SMAD6: variants seen among roughly 807,000 people sequenced by gnomAD.
SMAD6 encodes MAD homolog 6.
SMAD6 carries 103 observed loss-of-function variants against 39.4 expected under a neutral mutation model. The ratio of observed to expected loss-of-function variants is 2.62; its 90% CI spans 2.23 to 3.08. The LOEUF (loss-of-function observed/expected upper bound fraction) is 3.08, where lower values mean the gene tolerates loss of function less well. Among genes scored for constraint, SMAD6 ranks in the 30% most tolerant of loss-of-function variants. SMAD6 has a pLI of 0.00. For missense variants in SMAD6, 1,104 were observed against 742.9 expected, an observed-to-expected ratio of 1.49 and a Z score of -5.65; for synonymous variants, 445 against 353.3, an observed-to-expected ratio of 1.26 and a Z score of -2.91.
chr15:66,735,777 A>G (rs1489935536), intron 3 of SMAD6, among the ~76,000 whole-genome samples: 1 of 152,168 alleles, frequency 6.6e-6, no homozygotes, highest in Non-Finnish European at 1.5e-5. Flanking sequence ...CTGTAGGCAG[A>G]CAAGCAGGCA....
chr15:66,761,382 C>T lies in SMAD6; in HGVS notation c.953-19615C>T, dbSNP rs568216991. ...AATAGGAAACTTTGCCCCATTTTTG[C>T]AACGCACATCCTTTGCCTGAGAGTT... is the stretch of plus-strand genomic sequence containing the variant. On this transcript the variant is annotated intron_variant, in intron 3 of 3. Transcript: ENST00000288840. 3.3e-5 allele frequency among the ~76,000 whole-genome samples: 5 copies of T among 152,310 alleles called. No individual in the cohort carries two copies. In the South Asian group the frequency reaches 1.0e-3, roughly 32 times the overall value.
intron 2 of SMAD6, among the ~76,000 whole-genome samples, chr15:66,712,385 A>C (rs555490703): frequency 5.3e-5 from 8 of 152,314 alleles, no homozygotes; most frequent in Admixed American, 1.3e-4. Flanking sequence ...GGTAGATGTA[A>C]GTGGTTTCAA....
chr15:66,753,145 C>T (rs2140649921), intron 3 of SMAD6, among the ~76,000 whole-genome samples: 1 of 152,318 alleles, frequency 6.6e-6, no homozygotes, highest in South Asian at 2.1e-4. Flanking sequence ...TTTAAAGTCC[C>T]TTGTCTTCCT....
intron 3 of SMAD6, among the ~76,000 whole-genome samples, chr15:66,767,359 G>A (rs1039916773): frequency 6.6e-6 from 1 of 152,086 alleles, no homozygotes; most frequent in Non-Finnish European, 1.5e-5. Context: ...TTGGACTTGG[G>A]ATAGAGGTGT....
At chr15:66,775,966 T>C (rs1312050190) in intron 3 of SMAD6, among the ~76,000 whole-genome samples, 1 of 152,024 alleles carries the variant, frequency 6.6e-6, no homozygotes, top group Non-Finnish European at 1.5e-5. Flanking sequence ...GGTTAGGGGG[T>C]GCCCACCTTC....
At position 66,703,459 on chromosome 15, in the gene SMAD6, G is replaced by A. The variant is rs2140580891; in HGVS notation, c.201G>A (p.Arg67=). Residue 67 remains arginine (R), a synonymous_variant, in exon 1 of 4, where the codon CGG becomes CGA. Coordinates refer to ENST00000288840, the MANE Select transcript of SMAD6 (RefSeq NM_005585.5). ...RSEVRPVAPR[R]PRDAVGQRGA... is the part of the protein sequence containing the mutation. ...AAGTCCGCCCGGTAGCCCCGCGGCG[G>A]CCCCGGGACGCAGTGGGACAGCGAG... 22 of 1,266,992 alleles carry A rather than the reference G, an allele frequency of 1.7e-5. No individual in the cohort carries two copies. Among genetic ancestry groups the A allele is most frequent in the Non-Finnish European group, 2.1e-5 (21 of 1,002,992 alleles). 78.5% of individuals were successfully genotyped at this position (1,266,992 alleles called of 1,614,324 possible).
intron 3 of SMAD6, among the ~76,000 whole-genome samples, chr15:66,718,454 T>C (rs1194887159): frequency 6.6e-6 from 1 of 152,206 alleles, no homozygotes; most frequent in Non-Finnish European, 1.5e-5. Context: ...AAAAGGACTG[T>C]GTTGGAAAAT....
intron 3 of SMAD6, among the ~76,000 whole-genome samples, chr15:66,763,859 G>T (rs550094220): frequency 6.6e-5 from 10 of 152,372 alleles, no homozygotes; most frequent in African/African-American, 2.4e-4. Context: ...AAACGCCCTA[G>T]GCAACGCTGC....
At chr15:66,714,686 T>C (rs1567095882) in intron 2 of SMAD6, among the ~76,000 whole-genome samples, 2 of 152,228 alleles carry the variant, frequency 1.3e-5, no homozygotes, top group African/African-American at 4.8e-5. Context: ...TCTTCCTCCT[T>C]GAGGCTTGAG....
chr15:66,775,336 C>T (rs1894448676), intron 3 of SMAD6, among the ~76,000 whole-genome samples: 1 of 152,100 alleles, frequency 6.6e-6, no homozygotes, highest in African/African-American at 2.4e-5. Flanking sequence ...GAGTAGTGTT[C>T]CATTGGCTGG....
At position 66,703,800 on chromosome 15, in the gene SMAD6, A is replaced by AG; in HGVS notation, c.543dup (p.Arg182AlafsTer121). The AG allele has an allele frequency of 6.9e-7, 1 of 1,440,256 alleles. No homozygotes were observed. Among genetic ancestry groups the AG allele is most frequent in the Non-Finnish European group, 9.2e-7 (1 of 1,086,322 alleles). The allele number at this position is 1,440,256 out of a possible 1,614,324, so 89.2% of individuals were successfully genotyped here. A position where few individuals can be genotyped will look rare whatever the true frequency, so the allele number is the denominator to read the frequency against. On this transcript the variant is annotated frameshift_variant, in exon 1 of 4. Transcript: ENST00000288840. LOFTEE classifies it high-confidence loss of function. ...AAAACCGTCACGTACTCGCTGCTGA[A>AG]GCGGCTCAAGGAGCGCTCGCTGGAC...
chr15:66,781,544 C>T lies in SMAD6; in HGVS notation c.*9C>T. On this transcript the variant is annotated 3_prime_UTR_variant, in exon 4 of 4. Coordinates refer to ENST00000288840, the MANE Select transcript of SMAD6 (RefSeq NM_005585.5). Reference sequence around the variant, plus strand: ...TCAACAACCCCAGATAGTGGCGGCCCCGGCGGGAGGGGCGGGTGGGAGGCC... The same window carrying T: ...TCAACAACCCCAGATAGTGGCGGCCTCGGCGGGAGGGGCGGGTGGGAGGCC... 1 of 1,497,952 alleles carries T rather than the reference C, an allele frequency of 6.7e-7. No homozygotes were observed. Among genetic ancestry groups the T allele is most frequent in the Non-Finnish European group, 8.8e-7 (1 of 1,130,568 alleles). The allele number at this position is 1,497,952 out of a possible 1,614,324, so 92.8% of individuals were successfully genotyped here.
intron 1 of SMAD6, among the ~76,000 whole-genome samples, chr15:66,709,606 G>A (rs1021258887): frequency 2.6e-5 from 4 of 152,218 alleles, no homozygotes; most frequent in African/African-American, 9.6e-5. Flanking sequence ...GTGTGGCCTA[G>A]ACCTCAGCCA....
intron 3 of SMAD6, among the ~76,000 whole-genome samples, chr15:66,720,015 CT>C (rs1433183333): frequency 6.6e-6 from 1 of 152,146 alleles, no homozygotes; most frequent in Non-Finnish European, 1.5e-5. Flanking sequence ...AAGCCTAGAA[CT>C]TTTGGGGTAC....
At chr15:66,719,764 G>A in intron 3 of SMAD6, among the ~76,000 whole-genome samples, 1 of 152,340 alleles carries the variant, frequency 6.6e-6, no homozygotes, top group Non-Finnish European at 1.5e-5. Flanking sequence ...GCGAGGGGCC[G>A]CAGGAAAGGA....
intron 3 of SMAD6, among the ~76,000 whole-genome samples, chr15:66,736,534 A>G (rs1277132270): frequency 6.6e-6 from 1 of 152,210 alleles, no homozygotes; most frequent in Non-Finnish European, 1.5e-5. Flanking sequence ...CCAGGGCCTC[A>G]TGAGGGTGCT....
Position 66,703,841 on chromosome 15 carries a change from G to A in SMAD6, c.583G>A (p.Val195Met). 1.2e-5 allele frequency: 17 copies of A among 1,384,366 alleles called. No individual in the cohort carries two copies. Among genetic ancestry groups the A allele is most frequent in the South Asian group, 1.6e-5 (1 of 64,126 alleles). 85.8% of individuals were successfully genotyped at this position (1,384,366 alleles called of 1,614,324 possible). ...ERSLDTLLEA[V>M]ESRGGVPGGC... Reference sequence around the variant, plus strand: ...CTCGCTGGACACGCTGCTGGAGGCGGTGGAGTCCCGCGGCGGCGTGCCGGG... The same window carrying A: ...CTCGCTGGACACGCTGCTGGAGGCGATGGAGTCCCGCGGCGGCGTGCCGGG... The change falls in exon 1 of 4, where the codon GTG (valine) becomes ATG (methionine). Residue 195 changes from valine to methionine, a missense_variant. By Grantham distance (21) the Val-to-Met change is conservative (BLOSUM62 1). Transcript: ENST00000288840.
chr15:66,776,898 C>T (rs1894476353), intron 3 of SMAD6, among the ~76,000 whole-genome samples: 1 of 151,952 alleles, frequency 6.6e-6, no homozygotes, highest in Admixed American at 6.6e-5. Context: ...ATGGCAAAAC[C>T]CGGTGGTGTG....
intron 3 of SMAD6, among the ~76,000 whole-genome samples, chr15:66,766,719 C>G (rs940847101): frequency 3.9e-5 from 6 of 152,186 alleles, no homozygotes; most frequent in African/African-American, 1.4e-4. Context: ...CTCCTCTCAC[C>G]TATCACACAG....
Sources: allele counts gnomAD v4.1 joint callset (sites outside exome capture counted in the v4.1 genomes callset), GRCh38; gene constraint gnomAD v4.1.1; transcripts MANE v1.5; gene names NCBI Gene and HGNC (gene_info 2026-07-23, HGNC 2026-07-21).